The following LSM8 variants were observed in gnomAD, a reference collection of about 807,000 sequenced individuals.
LSM8 encodes LSM8 U6 small nuclear RNA associated.
Under a neutral mutation model 15.0 loss-of-function variants are expected in LSM8, and 14 were observed. That is an observed-to-expected ratio of 0.93 (90% CI 0.62 to 1.46). The LOEUF (loss-of-function observed/expected upper bound fraction) is 1.46, where lower values mean the gene tolerates loss of function less well. LSM8 is among the 40% of genes most tolerant of loss of function. The probability of loss-of-function intolerance (pLI) is 0.00; values close to 1 mark genes in which losing one functional copy is unlikely to be tolerated. For missense variants in LSM8, 90 were observed against 115.4 expected (o/e 0.78, Z 1.01); for synonymous variants, 50 against 42.1 (o/e 1.19, Z -0.73).
Position 118,202,169 on chromosome 7 carries a change from T to C in LSM8, c.*10167T>C, listed in dbSNP as rs1809181977. Among the ~76,000 whole-genome samples the C allele has an allele frequency of 6.6e-6, 1 of 152,102 alleles. No individual in the cohort carries two copies. Among genetic ancestry groups the C allele is most frequent in the South Asian group, 2.1e-4 (1 of 4,834 alleles). On this transcript the variant is annotated 3_prime_UTR_variant, in exon 4 of 4. Coordinates refer to ENST00000249299, the MANE Select transcript of LSM8 (RefSeq NM_016200.5). The stretch of plus-strand genomic sequence containing the variant: ...GATACATTGGCAGTTTTTTTGTTTT[T>C]GTTTTTGCTTGTGTCACACATAATG...
Position 118,197,860 on chromosome 7 carries a change from A to G in LSM8, c.*5858A>G, listed in dbSNP as rs987710202. On this transcript the variant is annotated 3_prime_UTR_variant, in exon 4 of 4. Coordinates refer to ENST00000249299, the MANE Select transcript of LSM8 (RefSeq NM_016200.5). ...TGTCTTAGTTGCTATGAAAATGAGT[A>G]CCTGCTTCCTTGTACTGTCAAGATT... is the stretch of plus-strand genomic sequence containing the variant. 1.3e-5 allele frequency among the ~76,000 whole-genome samples: 2 copies of G among 152,198 alleles called. No homozygotes were observed. The highest frequency in any genetic ancestry group is 1.9e-4 in the East Asian group (1 of 5,200).
chr7:118,203,806 C>T lies in LSM8; in HGVS notation c.*11804C>T, dbSNP rs1229094529. On this transcript the variant is annotated 3_prime_UTR_variant, in exon 4 of 4. Coordinates refer to ENST00000249299, the MANE Select transcript of LSM8 (RefSeq NM_016200.5). ...ATGTGCACATGTATATTATAATATA[C>T]TCATCCTTTATATTTATCATGCTTT... 6.6e-6 allele frequency among the ~76,000 whole-genome samples: 1 copy of T among 151,616 alleles called. No homozygotes were observed. Among genetic ancestry groups the T allele is most frequent in the Non-Finnish European group, 1.5e-5 (1 of 67,716 alleles).
Position 118,197,858 on chromosome 7 carries a change from G to C in LSM8, c.*5856G>C, listed in dbSNP as rs1809107358. 6.6e-6 allele frequency among the ~76,000 whole-genome samples: 1 copy of C among 152,168 alleles called. No individual in the cohort carries two copies. Among genetic ancestry groups the C allele is most frequent in the Admixed American group, 6.5e-5 (1 of 15,276 alleles). ...CATGTCTTAGTTGCTATGAAAATGAGTACCTGCTTCCTTGTACTGTCAAGA... is the reference window on the plus strand; with the variant it reads ...CATGTCTTAGTTGCTATGAAAATGACTACCTGCTTCCTTGTACTGTCAAGA... On this transcript the variant is annotated 3_prime_UTR_variant, in exon 4 of 4. Coordinates refer to ENST00000249299, the MANE Select transcript of LSM8 (RefSeq NM_016200.5).
In LSM8 at chr7:118,194,951, T is replaced by A. The variant is rs1809055186; in HGVS notation, c.*2949T>A. 6.6e-6 allele frequency among the ~76,000 whole-genome samples: 1 copy of A among 152,170 alleles called. No homozygotes were observed. Among genetic ancestry groups the A allele is most frequent in the African/African-American group, 2.4e-5 (1 of 41,444 alleles). On this transcript the variant is annotated 3_prime_UTR_variant, in exon 4 of 4. Coordinates refer to ENST00000249299, the MANE Select transcript of LSM8 (RefSeq NM_016200.5). ...AAGAGGTAGCACTAGTAAGTAACAG[T>A]GCTCAAATTCAACTAGGTCTTTCAG... is the stretch of plus-strand genomic sequence containing the variant.
Position 118,203,783 on chromosome 7 carries a change from G to A in LSM8, c.*11781G>A, listed in dbSNP as rs953142741. Among the ~76,000 whole-genome samples the A allele has an allele frequency of 2.0e-5, 3 of 151,600 alleles. No homozygotes were observed. The highest frequency in any genetic ancestry group is 4.4e-5 in the Non-Finnish European group (3 of 67,734). On this transcript the variant is annotated 3_prime_UTR_variant, in exon 4 of 4. Coordinates refer to ENST00000249299, the MANE Select transcript of LSM8 (RefSeq NM_016200.5). ...ATTTGTGATTTCAAACATTTAATAT[G>A]TGCACATGTATATTATAATATACTC...
In LSM8 at chr7:118,202,533, A is replaced by G. The variant is rs565180852; in HGVS notation, c.*10531A>G. Reference sequence around the variant, plus strand: ...TGAAATAGGAAAGTGAGATTATCATATGGGAAAAATAAATGCTTTCCCAAC... The same window carrying G: ...TGAAATAGGAAAGTGAGATTATCATGTGGGAAAAATAAATGCTTTCCCAAC... On this transcript the variant is annotated 3_prime_UTR_variant, in exon 4 of 4. Transcript: ENST00000249299. Among the ~76,000 whole-genome samples the G allele has an allele frequency of 6.6e-6, 1 of 152,030 alleles. No homozygotes were observed. Among genetic ancestry groups the G allele is most frequent in the Non-Finnish European group, 1.5e-5 (1 of 67,952 alleles).
At chr7:118,189,441 T>C (rs1043248823) in intron 3 of LSM8, 1 of 152,042 alleles carries the variant, frequency 6.6e-6, no homozygotes, top group African/African-American at 2.4e-5. Context: ...TAATCCCAGC[T>C]ACTCGGGAGG....
Position 118,197,265 on chromosome 7 carries a change from T to G in LSM8, c.*5263T>G, listed in dbSNP as rs889208935. ...AATTAGTATGGTACCAAATTGTTAT[T>G]ACATTTGAAATACGTTAAAAAGAAT... On this transcript the variant is annotated 3_prime_UTR_variant, in exon 4 of 4. Transcript: ENST00000249299. Among the ~76,000 whole-genome samples the G allele has an allele frequency of 1.4e-4, 22 of 152,032 alleles. No homozygotes were observed. Among genetic ancestry groups the G allele is most frequent in the Non-Finnish European group, 2.2e-4 (15 of 68,018 alleles).
intron 1 of LSM8, chr7:118,185,380 C>G (rs1808869789): frequency 6.2e-6 from 2 of 321,174 alleles, no homozygotes; most frequent in Non-Finnish European, 1.1e-5. Context: ...CTGCCTCTGC[C>G]TCTGCCTCCT....
chr7:118,199,193 A>G lies in LSM8; in HGVS notation c.*7191A>G, dbSNP rs142993486. Reference sequence around the variant, plus strand: ...GAGCATAGCAGCTTTTCTGAGTCCTATGATTCCAAGTGTATCAATGAACCT... The same window carrying G: ...GAGCATAGCAGCTTTTCTGAGTCCTGTGATTCCAAGTGTATCAATGAACCT... On this transcript the variant is annotated 3_prime_UTR_variant, in exon 4 of 4. Transcript: ENST00000249299. Among the ~76,000 whole-genome samples, 20 of 151,690 alleles carry G rather than the reference A, an allele frequency of 1.3e-4. No individual in the cohort carries two copies. Among genetic ancestry groups the G allele is most frequent in the East Asian group, 1.2e-3 (6 of 5,136 alleles).
At chr7:118,191,797 C>G in intron 3 of LSM8, 115 bp from the exon 4 acceptor site, 1 of 736,052 alleles carries the variant, frequency 1.4e-6, no homozygotes, top group Non-Finnish European at 2.2e-6. Flanking sequence ...ACTGTGCTCT[C>G]TCAGTTTTAT....
intron 2 of LSM8, among the ~76,000 whole-genome samples, chr7:118,187,170 A>C (rs1273902482): frequency 2.0e-5 from 3 of 152,146 alleles, no homozygotes; most frequent in Non-Finnish European, 4.4e-5. Context: ...TCCAAGTTAC[A>C]GATTTCATTC....
chr7:118,184,318 G>C (rs1808845284), intron 1 of LSM8, 64 bp downstream of exon 1: 8 of 1,426,294 alleles, frequency 5.6e-6, no homozygotes, highest in Non-Finnish European at 7.4e-6. Context: ...GTCGGGGATC[G>C]GTGGGAGGTT....
intron 3 of LSM8, chr7:118,191,536 G>A (rs1373818337): frequency 6.4e-6 from 1 of 155,784 alleles, no homozygotes; most frequent in East Asian, 1.9e-4. Flanking sequence ...GTGATTTTGT[G>A]AAATTTATTT....
rs1270423635 is a variant in LSM8 at position 118,202,202 on chromosome 7, A to G, written c.*10200A>G. On this transcript the variant is annotated 3_prime_UTR_variant, in exon 4 of 4. Transcript: ENST00000249299. ...CTTGTGTCACACATAATGCTGATGA[A>G]GAAACCATGAAGTGTCATATGAAAG... Among the ~76,000 whole-genome samples the G allele has an allele frequency of 6.6e-6, 1 of 152,092 alleles. No individual in the cohort carries two copies. The highest frequency in any genetic ancestry group is 1.5e-5 in the Non-Finnish European group (1 of 67,980).
At position 118,193,184 on chromosome 7, in the gene LSM8, TC is replaced by T. The variant is rs1276112256; in HGVS notation, c.*1183del. Among the ~76,000 whole-genome samples the T allele has an allele frequency of 6.6e-6, 1 of 152,174 alleles. No individual in the cohort carries two copies. The highest frequency in any genetic ancestry group is 1.5e-5 in the Non-Finnish European group (1 of 67,988). On this transcript the variant is annotated 3_prime_UTR_variant, in exon 4 of 4. Transcript: ENST00000249299. ...ATGTGGTCTGTCACAGCTACTCACC[TC>T]TGCTATTGTGGCCTACAAATAACCA... is the stretch of plus-strand genomic sequence containing the variant.
At position 118,202,156 on chromosome 7, in the gene LSM8, G is replaced by GT. The variant is rs899414746; in HGVS notation, c.*10161dup. On this transcript the variant is annotated 3_prime_UTR_variant, in exon 4 of 4. Coordinates refer to ENST00000249299, the MANE Select transcript of LSM8 (RefSeq NM_016200.5). ...ATGTCTTGAAATAGATACATTGGCA[G>GT]TTTTTTTGTTTTTGTTTTTGCTTGT... Among the ~76,000 whole-genome samples, 1 of 152,044 alleles carries GT rather than the reference G, an allele frequency of 6.6e-6. No homozygotes were observed. The highest frequency in any genetic ancestry group is 2.1e-4 in the South Asian group (1 of 4,836).
rs1199144250 is a variant in LSM8 at position 118,200,199 on chromosome 7, G to A, written c.*8197G>A. On this transcript the variant is annotated 3_prime_UTR_variant, in exon 4 of 4. Transcript: ENST00000249299. Reference sequence around the variant, plus strand: ...TAAGCATTGTGCAGTAGCCATGAGGGACTAGGTATCCAAGTGCACATTATA... The same window carrying A: ...TAAGCATTGTGCAGTAGCCATGAGGAACTAGGTATCCAAGTGCACATTATA... 2.6e-5 allele frequency among the ~76,000 whole-genome samples: 4 copies of A among 152,104 alleles called. No individual in the cohort carries two copies. Among genetic ancestry groups the A allele is most frequent in the Non-Finnish European group, 5.9e-5 (4 of 68,000 alleles).
Position 118,202,414 on chromosome 7 carries a change from C to T in LSM8, c.*10412C>T, listed in dbSNP as rs773402850. 2.0e-4 allele frequency among the ~76,000 whole-genome samples: 31 copies of T among 151,954 alleles called. No individual in the cohort carries two copies. The highest frequency in any genetic ancestry group is 3.1e-4 in the Non-Finnish European group (21 of 67,928). On this transcript the variant is annotated 3_prime_UTR_variant, in exon 4 of 4. Transcript: ENST00000249299. ...CTACTCAAAGAAGTGACCCAGTACC[C>T]AGGCCACTATTTTCTCTTTGCCATC...
Sources: allele counts gnomAD v4.1 joint callset (sites outside exome capture counted in the v4.1 genomes callset), GRCh38; gene constraint gnomAD v4.1.1; transcripts MANE v1.5; gene names NCBI Gene and HGNC (gene_info 2026-07-23, HGNC 2026-07-21).